ROBO2: variants seen among roughly 807,000 people sequenced by gnomAD.
ROBO2 encodes roundabout homolog 2.
ROBO2 carries 53 observed loss-of-function variants against 160.8 expected under a neutral mutation model. The ratio of observed to expected loss-of-function variants is 0.33; its 90% CI spans 0.26 to 0.41. ROBO2 has a LOEUF of 0.41. Ranked by LOEUF, ROBO2 falls within the 10% of genes least tolerant of loss-of-function variation. The probability of loss-of-function intolerance (pLI) is 1.00; values close to 1 mark genes in which losing one functional copy is unlikely to be tolerated. For synonymous variants in ROBO2, 664 were observed against 611.7 expected (o/e 1.09, Z -1.26); for missense variants, 1,577 against 1,722.4 (o/e 0.92, Z 1.49).
rs923011281 is a variant in ROBO2 at position 76,895,748 on chromosome 3, T to C, written c.110-202266T>C. On this transcript the variant is annotated intron_variant, in intron 2 of 26. Coordinates refer to the ROBO2 transcript ENST00000487694. ...GAGTGCTTAAGAAAAGCTTTCATGT[T>C]CCTTGTAGGAAGATAGTTTTCATTT... 9.8e-5 allele frequency among the ~76,000 whole-genome samples: 15 copies of C among 152,310 alleles called. No homozygotes were observed. The South Asian group carries it at 2.9e-3, about 29-fold the overall frequency.
At chr3:77,234,187 G>A (rs1472445171) in intron 2 of ROBO2, among the ~76,000 whole-genome samples, 1 of 152,078 alleles carries the variant, frequency 6.6e-6, no homozygotes, top group Non-Finnish European at 1.5e-5. Flanking sequence ...CCAGGGCAAC[G>A]TCAAAATTCA....
intron 2 of ROBO2, among the ~76,000 whole-genome samples, chr3:77,244,345 A>G (rs1296506006): frequency 1.3e-5 from 2 of 152,200 alleles, no homozygotes; most frequent in Admixed American, 1.3e-4. Flanking sequence ...AGTAGTTGTC[A>G]GGAAAACATG....
At chr3:76,162,901 A>C (rs951138586) in intron 2 of ROBO2, among the ~76,000 whole-genome samples, 2 of 151,978 alleles carry the variant, frequency 1.3e-5, no homozygotes, top group African/African-American at 4.8e-5. Flanking sequence ...AGATTATTTT[A>C]ATTTTTTGTT....
intron 2 of ROBO2, among the ~76,000 whole-genome samples, chr3:76,403,945 A>G (rs1417095216): frequency 1.3e-5 from 2 of 151,664 alleles, no homozygotes; most frequent in East Asian, 1.9e-4. Flanking sequence ...AGATGATAAG[A>G]TATCTGGACT....
At chr3:75,937,841 T>TATA in intron 2 of ROBO2, among the ~76,000 whole-genome samples, 1 of 105,510 alleles carries the variant, frequency 9.5e-6, no homozygotes, top group African/African-American at 4.2e-5. Context: ...GGAATTGATT[T>TATA]TATATATATA....
chr3:76,605,167 C>A (rs551134030), intron 2 of ROBO2, among the ~76,000 whole-genome samples: 2 of 152,164 alleles, frequency 1.3e-5, no homozygotes, highest in South Asian at 4.1e-4. Context: ...CTAAACATTT[C>A]CATTAGTAGA....
chr3:77,413,027 C>T (rs1467780570), intron 2 of ROBO2, among the ~76,000 whole-genome samples: 1 of 152,066 alleles, frequency 6.6e-6, no homozygotes, highest in Admixed American at 6.5e-5. Context: ...GGCAATATAG[C>T]ACAACCCCCA....
At chr3:76,775,902 T>C (rs1440541243) in intron 2 of ROBO2, among the ~76,000 whole-genome samples, 1 of 150,828 alleles carries the variant, frequency 6.6e-6, no homozygotes. Context: ...AACAAGGATA[T>C]ATTGTGTATT....
intron 2 of ROBO2, among the ~76,000 whole-genome samples, chr3:76,332,948 G>A (rs181484940): frequency 1.3e-5 from 2 of 152,168 alleles, no homozygotes; most frequent in Non-Finnish European, 2.9e-5. Context: ...TAGAGGACTT[G>A]TTAAAACAAA....
intron 2 of ROBO2, among the ~76,000 whole-genome samples, chr3:76,745,070 C>T (rs921489822): frequency 6.6e-6 from 1 of 152,058 alleles, no homozygotes; most frequent in African/African-American, 2.4e-5. Flanking sequence ...AAAAAGTGCA[C>T]GTGACTTTCA....
At chr3:77,168,306 A>G (rs986895170) in intron 2 of ROBO2, among the ~76,000 whole-genome samples, 4 of 152,202 alleles carry the variant, frequency 2.6e-5, no homozygotes, top group Non-Finnish European at 5.9e-5. Context: ...AAATCTTGTT[A>G]TTAAGAAAAC....
At chr3:77,126,714 T>TATATATATATATA (rs1560065744) in intron 2 of ROBO2, among the ~76,000 whole-genome samples, 2 of 137,640 alleles carry the variant, frequency 1.5e-5, no homozygotes, top group African/African-American at 6.8e-5. Context: ...ATATATATAT[T>TATATATATATATA]TTTTTTCCTT....
At chr3:76,680,064 A>G (rs181195267) in intron 2 of ROBO2, among the ~76,000 whole-genome samples, 31 of 152,282 alleles carry the variant, frequency 2.0e-4, no homozygotes, top group Non-Finnish European at 4.1e-4. Flanking sequence ...AAAGCTAAAC[A>G]TTGTGCAAAG....
At chr3:77,429,329 C>T (rs1026850028) in intron 2 of ROBO2, among the ~76,000 whole-genome samples, 7 of 152,162 alleles carry the variant, frequency 4.6e-5, no homozygotes, top group Non-Finnish European at 8.8e-5. Flanking sequence ...GACTATGACA[C>T]ATATTTTTAA....
chr3:76,055,579 G>C (rs1179661577), intron 2 of ROBO2, among the ~76,000 whole-genome samples: 1 of 151,942 alleles, frequency 6.6e-6, no homozygotes, highest in Non-Finnish European at 1.5e-5. Flanking sequence ...TCCTACTTGT[G>C]AGAATGTGAA....
chr3:75,913,906 A>G (rs893487430), intron 1 of ROBO2, among the ~76,000 whole-genome samples: 3 of 152,174 alleles, frequency 2.0e-5, no homozygotes, highest in Non-Finnish European at 4.4e-5. Flanking sequence ...CTCATGAGTT[A>G]TATCTATGAT....
At chr3:76,923,824 A>G (rs1446095312) in intron 2 of ROBO2, among the ~76,000 whole-genome samples, 1 of 152,240 alleles carries the variant, frequency 6.6e-6, no homozygotes, top group Admixed American at 6.5e-5. Context: ...GCTTCTCCCA[A>G]GTTCAGATCT....
chr3:76,483,436 A>G (rs906909555), intron 2 of ROBO2, among the ~76,000 whole-genome samples: 2 of 152,040 alleles, frequency 1.3e-5, no homozygotes, highest in African/African-American at 4.8e-5. Flanking sequence ...TACTGAGCAT[A>G]GTACCCAATT....
At chr3:76,572,745 A>G (rs1189834380) in intron 2 of ROBO2, among the ~76,000 whole-genome samples, 1 of 152,208 alleles carries the variant, frequency 6.6e-6, no homozygotes, top group African/African-American at 2.4e-5. Context: ...TGTATGCTCA[A>G]AAATGTTAAG....
Sources: gnomAD v4.1 joint callset for allele counts (sites outside exome capture counted in the v4.1 genomes callset) on GRCh38, gnomAD v4.1.1 for gene constraint, MANE v1.5 for transcripts, NCBI Gene and HGNC (gene_info 2026-07-23, HGNC 2026-07-21) for gene names.